The following ZNF831 variants were observed in gnomAD, a reference collection of about 807,000 sequenced individuals.
ZNF831 encodes zinc finger protein 831.
Under a neutral mutation model 95.8 loss-of-function variants are expected in ZNF831, and 59 were observed. That is an observed-to-expected ratio of 0.62 (90% CI 0.50 to 0.77). ZNF831 has a LOEUF of 0.77. Among genes scored for constraint, ZNF831 ranks in the 30% least tolerant of loss-of-function variants. The probability of loss-of-function intolerance (pLI) is 0.00; values close to 1 mark genes in which losing one functional copy is unlikely to be tolerated. For synonymous variants in ZNF831, 961 were observed against 925.5 expected (o/e 1.04, Z -0.70); for missense variants, 2,205 against 2,164.0 (o/e 1.02, Z -0.38).
At position 59,254,543 on chromosome 20, in the gene ZNF831, G is replaced by T. The variant is rs1393443537; in HGVS notation, c.4834G>T (p.Gly1612Cys). ...CCCCTGCCCCTCTTTAGGAAGTGAC[G>T]GTAGGAAACGTCAGGTATCTGGATT... ...TVPCPSLGSD[G>C]RKRQVSGLIT... Residue 1612 changes from glycine (G) to cysteine (C), a missense_variant, in exon 6 of 6, where the codon GGT becomes TGT. By Grantham distance (159) the Gly-to-Cys change is radical. Transcript: ENST00000371030. This position sits in a 1 kb window ranked among gnomAD's most constrained non-coding sequence, Gnocchi z 4.5. The T allele has an allele frequency of 6.2e-7, 1 of 1,614,088 alleles. No homozygotes were observed. The highest frequency in any genetic ancestry group is 8.5e-7 in the Non-Finnish European group (1 of 1,180,036).
At position 59,193,682 on chromosome 20, in the gene ZNF831, C is replaced by T. The variant is rs866623317; in HGVS notation, c.2663C>T (p.Ala888Val). 1 of 1,613,006 alleles carries T rather than the reference C, an allele frequency of 6.2e-7. No homozygotes were observed. The highest frequency in any genetic ancestry group is 8.5e-7 in the Non-Finnish European group (1 of 1,179,752). ...EPLESSGASL[A>V]AASVALKRVG... ...CTGGAGTCCTCTGGAGCCTCCTTGG[C>T]TGCTGCTTCTGTTGCCCTGAAGAGG... The change falls in exon 2 of 6, where the codon GCT (alanine) becomes GTT (valine). Residue 888 changes from alanine (A) to valine (V), a missense_variant. Ala to Val is a moderately conservative substitution (Grantham distance 64, BLOSUM62 0). Coordinates refer to ENST00000371030, the MANE Select transcript of ZNF831 (RefSeq NM_178457.3).
At position 59,189,737 on chromosome 20, in the gene ZNF831, C is replaced by T. The variant is rs8184840; in HGVS notation, c.-36-1247C>T. On this transcript the variant is annotated intron_variant, in intron 1 of 5. Coordinates refer to ENST00000371030, the MANE Select transcript of ZNF831 (RefSeq NM_178457.3). ...TGTTGGACAGGCTGGTCTTGAACTC[C>T]TGACCTCAGGTGATCCGCCCGCCTC... Among the ~76,000 whole-genome samples, 3 of 152,240 alleles carry T rather than the reference C, an allele frequency of 2.0e-5. No individual in the cohort carries two copies. In the East Asian group the frequency reaches 5.8e-4, roughly 29 times the overall value.
Position 59,258,587 on chromosome 20 carries a change from T to C in ZNF831, c.*3844T>C, listed in dbSNP as rs1988283794. ...GGAGAATATGACCTGCCTGGCTCTA[T>C]GGGTGATCATATTTCTACTGCTGCA... is the stretch of plus-strand genomic sequence containing the variant. On this transcript the variant is annotated 3_prime_UTR_variant, in exon 6 of 6. Coordinates refer to ENST00000371030, the MANE Select transcript of ZNF831 (RefSeq NM_178457.3). The C allele has an allele frequency of 1.3e-5, 2 of 152,608 alleles. No homozygotes were observed. Among genetic ancestry groups the C allele is most frequent in the South Asian group, 4.1e-4 (2 of 4,828 alleles). 9.5% of individuals were successfully genotyped at this position (152,608 alleles called of 1,614,324 possible).
chr20:59,138,884 G>A (rs1276426082), intron 1 of ZNF831, among the ~76,000 whole-genome samples: 1 of 152,202 alleles, frequency 6.6e-6, no homozygotes, highest in Admixed American at 6.5e-5. Context: ...GACACAGCCA[G>A]TGGATGTTCC....
intron 4 of ZNF831, among the ~76,000 whole-genome samples, chr20:59,232,947 G>C (rs1182121272): frequency 6.8e-6 from 1 of 147,750 alleles, no homozygotes; most frequent in Non-Finnish European, 1.5e-5. Context: ...CATCTTTGTT[G>C]CAGGAAGTTC....
intron 1 of ZNF831, among the ~76,000 whole-genome samples, chr20:59,179,342 T>C (rs1249314988): frequency 6.6e-6 from 1 of 152,146 alleles, no homozygotes; most frequent in Non-Finnish European, 1.5e-5. Flanking sequence ...TCCGCACCCA[T>C]CCGCTTCTCA....
intron 1 of ZNF831, among the ~76,000 whole-genome samples, chr20:59,145,961 C>A (rs112215703): frequency 6.6e-6 from 1 of 151,712 alleles, no homozygotes; most frequent in Non-Finnish European, 1.5e-5. Flanking sequence ...CCATTTGTAC[C>A]GGATGGTTTT....
intron 2 of ZNF831, 83 bp from the exon 3 acceptor site, chr20:59,195,785 TG>T: frequency 1.3e-6 from 2 of 1,531,160 alleles, no homozygotes; most frequent in Non-Finnish European, 1.8e-6. Context: ...ACAGGCATCT[TG>T]TCTGCAGAGC....
chr20:59,216,418 C>T (rs1985683466), intron 4 of ZNF831, among the ~76,000 whole-genome samples: 2 of 152,224 alleles, frequency 1.3e-5, no homozygotes, highest in Non-Finnish European at 2.9e-5. Context: ...CCCTGCATTT[C>T]TTATTGATTG....
At position 59,169,322 on chromosome 20, in the gene ZNF831, C is replaced by G. The variant is rs1981542101; in HGVS notation, c.-37+5115C>G. Among the ~76,000 whole-genome samples, 1 of 152,160 alleles carries G rather than the reference C, an allele frequency of 6.6e-6. No homozygotes were observed. Among genetic ancestry groups the G allele is most frequent in the African/African-American group, 2.4e-5 (1 of 41,422 alleles). ...AATTGGTCCACTTCATCTAAGTCAT[C>G]AAATTTATGTGAGCTGAGTTATTTA... On this transcript the variant is annotated intron_variant, in intron 1 of 5. Transcript: ENST00000371030. This position sits in a 1 kb window ranked among gnomAD's most constrained non-coding sequence, Gnocchi z 4.1.
chr20:59,253,190 A>C, intron 5 of ZNF831, 52 bp downstream of exon 5: 2 of 1,590,004 alleles, frequency 1.3e-6, no homozygotes, highest in South Asian at 2.3e-5. Flanking sequence ...CTAGATGTAT[A>C]GCCCTGCTTG....
At chr20:59,130,556 A>G (rs1979321015) in intron 1 of ZNF831, among the ~76,000 whole-genome samples, 1 of 152,122 alleles carries the variant, frequency 6.6e-6, no homozygotes, top group Admixed American at 6.5e-5. Flanking sequence ...CTGTGTGAAC[A>G]TGTCCTGTGG....
At chr20:59,200,016 C>T (rs867092055) in intron 3 of ZNF831, among the ~76,000 whole-genome samples, 1 of 152,174 alleles carries the variant, frequency 6.6e-6, no homozygotes, top group Non-Finnish European at 1.5e-5. Context: ...CTCAGCACAT[C>T]AAAGCTACCA....
In ZNF831 at chr20:59,151,269, C is replaced by T. The variant is rs1308556644; in HGVS notation, c.-1281+4895C>T. ...TCCCAGCAAGCCACATGGCTTCTGT[C>T]TCCTGGGATAACCCTTCCTGAGGCT... On this transcript the variant is annotated intron_variant, in intron 2 of 7. Transcript: ENST00000637017. Among the ~76,000 whole-genome samples, 3 of 152,334 alleles carry T rather than the reference C, an allele frequency of 2.0e-5. No individual in the cohort carries two copies. The East Asian group carries it at 5.8e-4, about 29-fold the overall frequency.
intron 4 of ZNF831, among the ~76,000 whole-genome samples, chr20:59,216,125 C>T (rs1193480663): frequency 1.3e-5 from 2 of 152,326 alleles, no homozygotes; most frequent in East Asian, 3.9e-4. Context: ...AAAATAACCA[C>T]CAACCCCCAC....
intron 1 of ZNF831, among the ~76,000 whole-genome samples, chr20:59,143,829 C>T (rs1180650605): frequency 6.6e-6 from 1 of 152,192 alleles, no homozygotes; most frequent in Non-Finnish European, 1.5e-5. Flanking sequence ...AAAAGAAAAT[C>T]CCCAACCAGG....
At chr20:59,232,510 C>T (rs935350635) in intron 4 of ZNF831, among the ~76,000 whole-genome samples, 1 of 152,048 alleles carries the variant, frequency 6.6e-6, no homozygotes, top group Admixed American at 6.6e-5. Context: ...ACCCCCGAGA[C>T]ACTGGGCACT....
At position 59,192,503 on chromosome 20, in the gene ZNF831, C is replaced by T. The variant is rs2146566630; in HGVS notation, c.1484C>T (p.Thr495Ile). ...TCCGTCCCCACTCAGCTCTCCACCA[C>T]CGTGGAATGTGTCCCCGTCACCAGG... ...FHSVPTQLST[T>I]VECVPVTRSN... The change falls in exon 2 of 6, where the codon ACC becomes ATC. Residue 495 changes from threonine to isoleucine, a missense_variant. By Grantham distance (89) the Thr-to-Ile change is moderately conservative. Coordinates refer to ENST00000371030, the MANE Select transcript of ZNF831 (RefSeq NM_178457.3). The surrounding 1 kb of genome is among the most constrained non-coding windows in gnomAD (Gnocchi z 5.2). 10 of 1,550,682 alleles carry T rather than the reference C, an allele frequency of 6.4e-6. No individual in the cohort carries two copies. The highest frequency in any genetic ancestry group is 8.7e-6 in the Non-Finnish European group (10 of 1,149,806).
At position 59,192,815 on chromosome 20, in the gene ZNF831, AG is replaced by A; in HGVS notation, c.1799del (p.Gly600AlafsTer13). On this transcript the variant is annotated frameshift_variant, in exon 2 of 6. Transcript: ENST00000371030. LOFTEE classifies it high-confidence loss of function. This position sits in a 1 kb window ranked among gnomAD's most constrained non-coding sequence, Gnocchi z 5.2. ...GCTGCGCGGGAGGCCATGGCCGGCAAGGGCAGAGCGGGCGGCAGGAAGTGCG... is the reference window on the plus strand; with the variant it reads ...GCTGCGCGGGAGGCCATGGCCGGCAAGGCAGAGCGGGCGGCAGGAAGTGCG... ...RTAAREAMAG[K>X]GRAGGRKCGQ... 6.2e-7 allele frequency: 1 copy of A among 1,610,662 alleles called. No homozygotes were observed. Among genetic ancestry groups the A allele is most frequent in the Non-Finnish European group, 8.5e-7 (1 of 1,178,788 alleles).
Sources: allele counts gnomAD v4.1 joint callset (sites outside exome capture counted in the v4.1 genomes callset), GRCh38; gene constraint gnomAD v4.1.1; non-coding constraint Gnocchi (gnomAD v3.1); transcripts MANE v1.5; gene names NCBI Gene and HGNC (gene_info 2026-07-23, HGNC 2026-07-21).